The following OR8B3 variants were observed in gnomAD, a reference collection of about 807,000 sequenced individuals.
OR8B3 encodes olfactory receptor 8B3.
For missense variants in OR8B3, 278 were observed against 377.6 expected, an observed-to-expected ratio of 0.74 and a Z score of 2.19; for synonymous variants, 102 against 135.4, an observed-to-expected ratio of 0.75 and a Z score of 1.71.
chr11:124,408,359 A>G, the OR8B3 span, among the ~76,000 whole-genome samples: 11 of 152,340 alleles, frequency 7.2e-5, no homozygotes, highest in African/African-American at 2.6e-4. Context: ...TTTTGGGGAA[A>G]GTACTCAGTC....
the OR8B3 span, among the ~76,000 whole-genome samples, chr11:124,408,442 CT>C: frequency 6.6e-6 from 1 of 152,140 alleles, no homozygotes; most frequent in African/African-American, 2.4e-5. Context: ...ACATTCTCTC[CT>C]GTCCTATTTT....
chr11:124,400,413 C>G (rs1248262852), upstream of OR8B3, among the ~76,000 whole-genome samples: 1 of 152,102 alleles, frequency 6.6e-6, no homozygotes, highest in Non-Finnish European at 1.5e-5. Context: ...CCAGTCAGTG[C>G]AATAGATTCC....
At chr11:124,403,739 C>T (rs1199123963), upstream of OR8B3, among the ~76,000 whole-genome samples, 4 of 152,198 alleles carry the variant, frequency 2.6e-5, no homozygotes, top group Admixed American at 6.5e-5. Context: ...GCAATCTCGG[C>T]ACTTTGGGAG....
the OR8B3 span, chr11:124,405,228 C>G: frequency 2.6e-5 from 4 of 152,150 alleles, no homozygotes; most frequent in African/African-American, 9.7e-5. Context: ...TAAAGACTTA[C>G]AGCAAGTGAT....
the OR8B3 span, among the ~76,000 whole-genome samples, chr11:124,408,764 G>A: frequency 3.9e-5 from 6 of 152,176 alleles, no homozygotes; most frequent in South Asian, 2.1e-4. Flanking sequence ...CATGGAAGGC[G>A]CCTCCCCATA....
chr11:124,397,765 C>T lies in OR8B3; in HGVS notation c.-17-397G>A, dbSNP rs572814668. Among the ~76,000 whole-genome samples the T allele has an allele frequency of 2.7e-5, 4 of 150,402 alleles. No homozygotes were observed. The South Asian group carries it at 8.5e-4, about 32-fold the overall frequency. ...TGGCTGGAGTGCAATGGTGGGATCT[C>T]GGCTCACTGCAACCTCTGCCTCCCG... is the stretch of plus-strand genomic sequence containing the variant. On this transcript the variant is annotated intron_variant, in intron 1 of 1. Transcript: ENST00000641139.
chr11:124,405,249 A>C, the OR8B3 span: 1 of 152,174 alleles, frequency 6.6e-6, no homozygotes, highest in Non-Finnish European at 1.5e-5. Context: ...CCAAGGAGGA[A>C]GAGTCCCTAA....
In OR8B3 at chr11:124,396,590, T is replaced by A. The variant is rs376299355; in HGVS notation, c.762A>T (p.Ser254=). The A allele has an allele frequency of 1.3e-5, 21 of 1,612,648 alleles. No individual in the cohort carries two copies. The African/African-American group carries it at 1.6e-4, about 12-fold the overall frequency. The change falls in exon 2 of 2, where the codon TCA becomes TCT. Residue 254 remains serine (S), a synonymous_variant. Transcript: ENST00000641139. The stretch of plus-strand genomic sequence containing the variant: ...AATATTTAATATACATGAATGCCGC[T>A]GACCCAAAAAACAGAGACAGAGCAA... ...HVIALSLFFG[S]AAFMYIKYSS... is the part of the protein sequence containing the mutation.
the OR8B3 span, among the ~76,000 whole-genome samples, chr11:124,407,765 A>G: frequency 6.6e-6 from 1 of 152,108 alleles, no homozygotes; most frequent in African/African-American, 2.4e-5. Context: ...GGTAGGGTTT[A>G]ACTTCCAGTT....
At chr11:124,399,364 A>AAGGG (rs1860952307), upstream of OR8B3, among the ~76,000 whole-genome samples, 1 of 152,216 alleles carries the variant, frequency 6.6e-6, no homozygotes, top group East Asian at 1.9e-4. Context: ...GCATAAAGAA[A>AAGGG]AGGGATACTT....
upstream of OR8B3, among the ~76,000 whole-genome samples, chr11:124,403,563 G>A (rs1472053171): frequency 2.0e-5 from 3 of 151,922 alleles, no homozygotes; most frequent in Non-Finnish European, 4.4e-5. Context: ...TGGGCGGCCG[G>A]GCAGAGACGA....
At chr11:124,398,014 T>C (rs564832430) in intron 1 of OR8B3, among the ~76,000 whole-genome samples, 2 of 152,134 alleles carry the variant, frequency 1.3e-5, no homozygotes, top group Admixed American at 6.6e-5. Flanking sequence ...TTTCTACTTA[T>C]GTTTCCATTA....
chr11:124,403,541 C>T (rs1861032656), upstream of OR8B3, among the ~76,000 whole-genome samples: 1 of 151,786 alleles, frequency 6.6e-6, no homozygotes, highest in Non-Finnish European at 1.5e-5. Flanking sequence ...GCGCTCCCCA[C>T]ATCTCAGACG....
rs764874525 is a variant in OR8B3, at chr11:124,396,450, C to G, written c.902G>C (p.Arg301Thr). The G allele has an allele frequency of 6.2e-7, 1 of 1,612,296 alleles. No homozygotes were observed. The highest frequency in any genetic ancestry group is 8.5e-7 in the Non-Finnish European group (1 of 1,179,634). The change falls in exon 2 of 2, where the codon AGG becomes ACG. Residue 301 changes from arginine to threonine, a missense_variant. Transcript: ENST00000641139. ...TCTCTGAATTTTAATCAGAGCTTTC[C>G]TCAGTGCAACTTTGACATCCTTGTT... The part of the protein sequence containing the change: ...LRNKDVKVAL[R>T]KALIKIQRRN...
upstream of OR8B3, among the ~76,000 whole-genome samples, chr11:124,403,794 T>A (rs1041685805): frequency 6.6e-6 from 1 of 152,060 alleles, no homozygotes; most frequent in Non-Finnish European, 1.5e-5. Flanking sequence ...CGAGCCGAGA[T>A]CACGCCACTG....
chr11:124,403,459 C>T (rs369812132), upstream of OR8B3, among the ~76,000 whole-genome samples: 45 of 152,096 alleles, frequency 3.0e-4, no homozygotes, highest in Middle Eastern at 3.4e-3. Context: ...CAGAGACGCT[C>T]CTCACCTCCC....
At chr11:124,404,823 T>C in the OR8B3 span, 1 of 152,204 alleles carries the variant, frequency 6.6e-6, no homozygotes, top group Non-Finnish European at 1.5e-5. Flanking sequence ...AAAAGAAATA[T>C]AGCTACGTTG....
chr11:124,407,836 G>C, the OR8B3 span, among the ~76,000 whole-genome samples: 1 of 152,130 alleles, frequency 6.6e-6, no homozygotes, highest in Non-Finnish European at 1.5e-5. Context: ...TGAACATATT[G>C]ATACAATATG....
the OR8B3 span, among the ~76,000 whole-genome samples, chr11:124,406,046 C>A: frequency 6.6e-6 from 1 of 152,210 alleles, no homozygotes; most frequent in Non-Finnish European, 1.5e-5. Context: ...GCCATTTCTA[C>A]TTTCCTACAT....
Sources: allele counts gnomAD v4.1 joint callset (sites outside exome capture counted in the v4.1 genomes callset), GRCh38; gene constraint gnomAD v4.1.1; transcripts MANE v1.5; gene names NCBI Gene and HGNC (gene_info 2026-07-23, HGNC 2026-07-21).